The following CRYBA4 variants were observed in gnomAD, a reference collection of about 807,000 sequenced individuals.
CRYBA4 encodes crystallin beta A4.
A neutral mutation model predicts 31.7 loss-of-function variants in CRYBA4; 30 were observed. The ratio of observed to expected loss-of-function variants is 0.95; its 90% CI spans 0.71 to 1.28. CRYBA4 has a LOEUF of 1.28. Ranked by LOEUF, CRYBA4 falls within the 50% of genes most tolerant of loss-of-function variation. The pLI is 0.00. For synonymous variants in CRYBA4, 102 were observed against 102.3 expected, an observed-to-expected ratio of 1.00 and a Z score of 0.02; for missense variants, 225 against 260.7, an observed-to-expected ratio of 0.86 and a Z score of 0.94.
the CRYBA4 span, among the ~76,000 whole-genome samples, chr22:26,604,185 C>G: frequency 6.6e-6 from 1 of 152,148 alleles, no homozygotes; most frequent in African/African-American, 2.4e-5. Flanking sequence ...ACCCACAGAC[C>G]TTGGTTCAAA....
chr22:26,593,741 G>A, the CRYBA4 span, among the ~76,000 whole-genome samples: 15 of 152,190 alleles, frequency 9.9e-5, no homozygotes, highest in East Asian at 2.1e-3. Flanking sequence ...GGCCAGGCTC[G>A]TCTCCAACTC....
chr22:26,611,454 G>GTTTGTTTTTTTTTTT, the CRYBA4 span, among the ~76,000 whole-genome samples: 1 of 142,696 alleles, frequency 7.0e-6, no homozygotes, highest in African/African-American at 2.6e-5. Context: ...GCTAGAGTTT[G>GTTTGTTTTTTTTTTT]TTTTTTTTTT....
the CRYBA4 span, among the ~76,000 whole-genome samples, chr22:26,615,659 GC>G: frequency 6.6e-6 from 1 of 151,952 alleles, no homozygotes; most frequent in East Asian, 1.9e-4. Context: ...GATTACAGGC[GC>G]CCACCACTAC....
chr22:26,628,527 T>A (rs1413277465), intron 5 of CRYBA4, 97 bp downstream of exon 5: 1 of 1,420,456 alleles, frequency 7.0e-7, no homozygotes, highest in African/African-American at 1.4e-5. Context: ...TTTTGTGCTC[T>A]GATGCCCACA....
chr22:26,621,311 G>A (rs556831216), upstream of CRYBA4, among the ~76,000 whole-genome samples: 89 of 152,138 alleles, frequency 5.8e-4, no homozygotes, highest in Non-Finnish European at 1.1e-3. Context: ...TTCCCTTCAG[G>A]TCCCCTGAGC....
the CRYBA4 span, among the ~76,000 whole-genome samples, chr22:26,610,725 AG>A: frequency 6.6e-6 from 1 of 152,304 alleles, no homozygotes; most frequent in Non-Finnish European, 1.5e-5. Context: ...ACAAGGTAAC[AG>A]GCCCATGCTG....
chr22:26,601,560 C>T, the CRYBA4 span, among the ~76,000 whole-genome samples: 3 of 151,560 alleles, frequency 2.0e-5, no homozygotes, highest in Non-Finnish European at 2.9e-5. Flanking sequence ...TGCATCCAGC[C>T]TCATCTATCC....
At chr22:26,590,327 G>T in the CRYBA4 span, among the ~76,000 whole-genome samples, 2 of 152,142 alleles carry the variant, frequency 1.3e-5, no homozygotes, top group Non-Finnish European at 2.9e-5. Context: ...CTGCTCGCTG[G>T]CTTACCCCTA....
chr22:26,611,399 G>A, the CRYBA4 span, among the ~76,000 whole-genome samples: 10 of 152,142 alleles, frequency 6.6e-5, no homozygotes, highest in African/African-American at 2.4e-4. Flanking sequence ...AGGGGACAGC[G>A]AGTGGACACT....
At chr22:26,621,824 G>C (rs989977870), upstream of CRYBA4, 7 of 205,664 alleles carry the variant, frequency 3.4e-5, no homozygotes, top group African/African-American at 1.6e-4. Flanking sequence ...AGCCAGAGCT[G>C]CTGACGGCTT....
the CRYBA4 span, among the ~76,000 whole-genome samples, chr22:26,603,355 C>T: frequency 6.6e-6 from 1 of 151,752 alleles, no homozygotes; most frequent in African/African-American, 2.4e-5. Context: ...CATGGTGAAA[C>T]CCCATCTCTA....
intron 4 of CRYBA4, among the ~76,000 whole-genome samples, chr22:26,627,473 TTTCTCTTTCTTTCCTTTTCTTTC>T: frequency 1.1e-5 from 1 of 91,586 alleles, no homozygotes; most frequent in South Asian, 4.1e-4. Context: ...TCTTTCTTTC[TTTCTCTTTCTTTCCTTTTCTTTC>T]TTTCTTTCTT....
chr22:26,627,353 C>T (rs1449613646), intron 4 of CRYBA4, among the ~76,000 whole-genome samples: 1 of 39,370 alleles, frequency 2.5e-5, no homozygotes, highest in South Asian at 1.7e-3. Context: ...CCCTCCCTCC[C>T]TCCCTCCTTT....
the CRYBA4 span, among the ~76,000 whole-genome samples, chr22:26,615,327 G>A: frequency 6.6e-6 from 1 of 152,078 alleles, no homozygotes; most frequent in Non-Finnish European, 1.5e-5. Context: ...AGCCTCCAAG[G>A]ACAGCTGGTT....
the CRYBA4 span, among the ~76,000 whole-genome samples, chr22:26,610,396 A>C: frequency 6.6e-6 from 1 of 151,954 alleles, no homozygotes; most frequent in African/African-American, 2.4e-5. Flanking sequence ...CCCCCGGACC[A>C]CAGGCCCGTT....
chr22:26,599,858 G>C, the CRYBA4 span, among the ~76,000 whole-genome samples: 1 of 152,164 alleles, frequency 6.6e-6, no homozygotes, highest in East Asian at 1.9e-4. Context: ...GATAGGCCTC[G>C]GTTTCCTTTT....
At position 26,627,359 on chromosome 22, in the gene CRYBA4, C is replaced by CCCTCCCTCCCTCCCTCCCTCCCTT. The variant is rs1404229613; in HGVS notation, c.301-928_301-927insCTCCCTCCCTCCCTCCCTCCCTTC. ...CCCCTCCCTCCCTCCCTCCCTCCCT[C>CCCTCCCTCCCTCCCTCCCTCCCTT]CTTTCTTTCTTTCTTTCTTTCTTTC... On this transcript the variant is annotated intron_variant, in intron 4 of 5. Transcript: ENST00000354760. 8.4e-4 allele frequency among the ~76,000 whole-genome samples: 35 copies of CCCTCCCTCCCTCCCTCCCTCCCTT among 41,862 alleles called. 1 individual carries two copies. The highest frequency in any genetic ancestry group is 1.4e-3 in the South Asian group (1 of 704). The allele number at this position is 41,862 out of a possible 152,430, so 27.5% of individuals were successfully genotyped here.
chr22:26,621,549 A>G (rs1929532092), upstream of CRYBA4, among the ~76,000 whole-genome samples: 1 of 152,054 alleles, frequency 6.6e-6, no homozygotes, highest in African/African-American at 2.4e-5. Context: ...CTGAATGTTT[A>G]CTCTGTACCA....
intron 3 of CRYBA4, among the ~76,000 whole-genome samples, chr22:26,624,057 G>T (rs1214817115): frequency 6.6e-6 from 1 of 152,248 alleles, no homozygotes; most frequent in Non-Finnish European, 1.5e-5. Flanking sequence ...ATGGCCAGTG[G>T]CTACCATATT....
Sources: allele counts gnomAD v4.1 joint callset (sites outside exome capture counted in the v4.1 genomes callset), GRCh38; gene constraint gnomAD v4.1.1; transcripts MANE v1.5; gene names NCBI Gene and HGNC (gene_info 2026-07-23, HGNC 2026-07-21).